GRID2: variants seen among roughly 807,000 people sequenced by gnomAD.
GRID2 encodes glutamate ionotropic receptor delta type subunit 2.
In GRID2, 33 loss-of-function variants were observed where a neutral mutation model predicts 114.8. The observed-to-expected ratio is 0.29, with a 90% CI of 0.22 to 0.38. The LOEUF (loss-of-function observed/expected upper bound fraction) is 0.38, where lower values mean the gene tolerates loss of function less well. Among genes scored for constraint, GRID2 ranks in the 10% least tolerant of loss-of-function variants. The pLI is 1.00. For missense variants in GRID2, 1,184 were observed against 1,257.7 expected, an observed-to-expected ratio of 0.94 and a Z score of 0.89; for synonymous variants, 505 against 449.9, an observed-to-expected ratio of 1.12 and a Z score of -1.55.
intron 9 of GRID2, among the ~76,000 whole-genome samples, chr4:93,408,283 C>T (rs1766737983): frequency 6.6e-6 from 1 of 152,094 alleles, no homozygotes; most frequent in Non-Finnish European, 1.5e-5. Context: ...AATTAAGATG[C>T]ATTTCGATAC....
At chr4:93,030,213 G>A (rs1724271002) in intron 2 of GRID2, among the ~76,000 whole-genome samples, 1 of 151,906 alleles carries the variant, frequency 6.6e-6, no homozygotes, top group African/African-American at 2.4e-5. Context: ...AATTTTTTTG[G>A]AATACAGAAA....
At chr4:92,607,606 C>A (rs1729522152) in intron 2 of GRID2, among the ~76,000 whole-genome samples, 1 of 151,854 alleles carries the variant, frequency 6.6e-6, no homozygotes. Flanking sequence ...GTTTGCATCT[C>A]ATATCTTTTT....
intron 4 of GRID2, chr4:93,164,932 C>T (rs959139040): frequency 5.7e-5 from 13 of 227,196 alleles, no homozygotes; most frequent in African/African-American, 8.9e-5. Context: ...GGCACTATGA[C>T]GTAAGAGTTC....
chr4:93,522,576 AC>A (rs1408014144), intron 13 of GRID2, among the ~76,000 whole-genome samples: 1 of 152,138 alleles, frequency 6.6e-6, no homozygotes, highest in African/African-American at 2.4e-5. Context: ...TGCAAAAAAA[AC>A]ATAATTATTG....
chr4:92,778,639 G>A (rs1381487641), intron 2 of GRID2, among the ~76,000 whole-genome samples: 1 of 152,046 alleles, frequency 6.6e-6, no homozygotes, highest in African/African-American at 2.4e-5. Flanking sequence ...AGTAAATGTA[G>A]CATTTCACAA....
chr4:92,694,760 T>G (rs2149296039), intron 2 of GRID2, among the ~76,000 whole-genome samples: 1 of 152,284 alleles, frequency 6.6e-6, no homozygotes, highest in African/African-American at 2.4e-5. Context: ...GTGCATATCT[T>G]ATTTTAATTG....
In GRID2 at chr4:92,986,512, C is replaced by T. The variant is rs140444409; in HGVS notation, c.245-98483C>T. Reference sequence around the variant, plus strand: ...AAGGAAAGTGGCAAATACTGAAAGTCAGGGTTACTTCCTCCCAACCCTAGA... The same window carrying T: ...AAGGAAAGTGGCAAATACTGAAAGTTAGGGTTACTTCCTCCCAACCCTAGA... On this transcript the variant is annotated intron_variant, in intron 2 of 15. Transcript: ENST00000282020. Among the ~76,000 whole-genome samples, 20 of 152,214 alleles carry T rather than the reference C, an allele frequency of 1.3e-4. 1 individual carries two copies. The highest frequency in any genetic ancestry group is 4.6e-4 in the African/African-American group (19 of 41,550).
intron 2 of GRID2, among the ~76,000 whole-genome samples, chr4:92,810,144 A>C: frequency 6.6e-6 from 1 of 152,160 alleles, no homozygotes; most frequent in Non-Finnish European, 1.5e-5. Flanking sequence ...GAACAATATA[A>C]ATTTGAATGT....
intron 8 of GRID2, among the ~76,000 whole-genome samples, chr4:93,316,275 GA>G (rs1419611552): frequency 5.5e-5 from 3 of 54,686 alleles, no homozygotes; most frequent in Non-Finnish European, 1.2e-4. Context: ...GAGAAAGAAA[GA>G]AAAGAACGAA....
At chr4:93,015,779 C>T (rs1040437089) in intron 2 of GRID2, among the ~76,000 whole-genome samples, 8 of 151,972 alleles carry the variant, frequency 5.3e-5, no homozygotes, top group Admixed American at 2.0e-4. Flanking sequence ...AGTTTGGAAC[C>T]TGGATAATCT....
intron 2 of GRID2, among the ~76,000 whole-genome samples, chr4:92,701,204 G>A (rs896598685): frequency 6.6e-6 from 1 of 152,002 alleles, no homozygotes; most frequent in African/African-American, 2.4e-5. Context: ...GAGATAATTC[G>A]TAGTACTTTT....
intron 2 of GRID2, among the ~76,000 whole-genome samples, chr4:92,964,641 A>G (rs1209694269): frequency 3.9e-5 from 6 of 152,028 alleles, no homozygotes; most frequent in Non-Finnish European, 7.4e-5. Context: ...CTACATCAGC[A>G]CTTGCTGCTT....
chr4:92,499,055 A>G (rs183817295), intron 1 of GRID2, among the ~76,000 whole-genome samples: 136 of 152,032 alleles, frequency 8.9e-4, no homozygotes, highest in African/African-American at 3.1e-3. Context: ...TAAGTATTTA[A>G]TAGTTGTCTT....
At chr4:92,977,597 G>C (rs1046890757) in intron 2 of GRID2, among the ~76,000 whole-genome samples, 4 of 152,158 alleles carry the variant, frequency 2.6e-5, no homozygotes, top group African/African-American at 9.7e-5. Flanking sequence ...GAATTTTATA[G>C]AGAATGTTCT....
At chr4:92,477,737 G>T (rs1037056231) in intron 1 of GRID2, among the ~76,000 whole-genome samples, 7 of 147,080 alleles carry the variant, frequency 4.8e-5, no homozygotes, top group Admixed American at 2.7e-4. Context: ...ATTAAACAGG[G>T]TATATATGTT....
chr4:92,747,281 A>AT (rs1191123676), intron 2 of GRID2, among the ~76,000 whole-genome samples: 1 of 152,038 alleles, frequency 6.6e-6, no homozygotes, highest in Non-Finnish European at 1.5e-5. Context: ...CTCATATCTA[A>AT]TTTTTTATAT....
At position 93,317,986 on chromosome 4, in the gene GRID2, A is replaced by AATATATATATATATATATATATATATAT. The variant is rs58755199; in HGVS notation, c.1246-77612_1246-77585dup. Among the ~76,000 whole-genome samples the AATATATATATATATATATATATATATAT allele has an allele frequency of 7.8e-4, 79 of 100,892 alleles. 3 individuals carry two copies. The highest frequency in any genetic ancestry group is 0.015 in the Middle Eastern group (2 of 136). 66.2% of individuals were successfully genotyped at this position (100,892 alleles called of 152,430 possible). A position where few individuals can be genotyped will look rare whatever the true frequency, so the allele number is the denominator to read the frequency against. Reference sequence around the variant, plus strand: ...GTTTTATCTTTCCCTTTAAAAGTGAAATATATATATATATATATATATATA... The same window carrying AATATATATATATATATATATATATATAT: ...GTTTTATCTTTCCCTTTAAAAGTGAAATATATATATATATATATATATATATATATATATATATATATATATATATATA... On this transcript the variant is annotated intron_variant, in intron 8 of 15. Coordinates refer to ENST00000282020, the MANE Select transcript of GRID2 (RefSeq NM_001510.4).
chr4:93,794,572 C>T (rs1347387140), intron 1 of GRID2, among the ~76,000 whole-genome samples: 1 of 152,160 alleles, frequency 6.6e-6, no homozygotes, highest in Non-Finnish European at 1.5e-5. Context: ...GGGGGTCGTG[C>T]AGCTTGCTTT....
chr4:93,152,794 T>C (rs1183465182), intron 4 of GRID2, among the ~76,000 whole-genome samples: 1 of 152,108 alleles, frequency 6.6e-6, no homozygotes, highest in Non-Finnish European at 1.5e-5. Context: ...AAAGGGAAGA[T>C]ATAATTTATG....
Sources: allele counts gnomAD v4.1 joint callset (sites outside exome capture counted in the v4.1 genomes callset), GRCh38; gene constraint gnomAD v4.1.1; transcripts MANE v1.5; gene names NCBI Gene and HGNC (gene_info 2026-07-23, HGNC 2026-07-21).